Variants in PBK observed in about 807,000 individuals in gnomAD.
PBK encodes the protein PDZ binding kinase.
Under a neutral mutation model 33.5 loss-of-function variants are expected in PBK, and 22 were observed. That is an observed-to-expected ratio of 0.66 (90% CI 0.47 to 0.94). The LOEUF is 0.94. PBK is among the 40% of genes least tolerant of loss of function. The pLI is 0.00. For missense variants in PBK, 376 were observed against 383.4 expected, an observed-to-expected ratio of 0.98 and a Z score of 0.16; for synonymous variants, 129 against 123.8, an observed-to-expected ratio of 1.04 and a Z score of -0.28.
At chr8:27,831,725 G>A (rs1806134864) in intron 2 of PBK, among the ~76,000 whole-genome samples, 1 of 152,098 alleles carries the variant, frequency 6.6e-6, no homozygotes, top group African/African-American at 2.4e-5. Context: ...GTTAATAAGG[G>A]TGTATCAAGA....
Position 27,823,118 on chromosome 8 carries a change from C to T in PBK, c.240G>A (p.Lys80=), listed in dbSNP as rs1805961191. Residue 80 remains lysine (K), a synonymous_variant, in exon 4 of 8, where the codon AAG becomes AAA. Coordinates refer to ENST00000301905, the MANE Select transcript of PBK (RefSeq NM_018492.4). The part of the protein sequence containing the change: ...CNDHYRSVYQ[K]RLMDEAKILK... ...AAATCTTAGCTTCATCCATTAGTCT[C>T]TTTTGATACACACTTCGATAATGAT... The T allele has an allele frequency of 6.3e-7, 1 of 1,582,262 alleles. No individual in the cohort carries two copies. The highest frequency in any genetic ancestry group is 1.3e-5 in the African/African-American group (1 of 74,150).
intron 6 of PBK, among the ~76,000 whole-genome samples, chr8:27,816,917 C>G (rs1017450533): frequency 2.0e-5 from 3 of 151,976 alleles, no homozygotes; most frequent in Non-Finnish European, 1.5e-5. Flanking sequence ...GGTGGACATT[C>G]TCACACATTG....
At position 27,825,154 on chromosome 8, in the gene PBK, G is replaced by A. The variant is rs78789639; in HGVS notation, c.153-1949C>T. 5.7e-4 allele frequency among the ~76,000 whole-genome samples: 87 copies of A among 152,286 alleles called. No individual in the cohort carries two copies. The East Asian group carries it at 0.014, about 24-fold the overall frequency. ...TGCTTGCAAGTTATTTAAAAAGCACGTAGGCCTGGAAGGGTTAGCACACAA... is the reference window on the plus strand; with the variant it reads ...TGCTTGCAAGTTATTTAAAAAGCACATAGGCCTGGAAGGGTTAGCACACAA... On this transcript the variant is annotated intron_variant, in intron 3 of 7. Transcript: ENST00000301905.
At chr8:27,811,234 A>C in intron 6 of PBK, 100 bp from the exon 7 acceptor site, 2 of 962,796 alleles carry the variant, frequency 2.1e-6, no homozygotes, top group Non-Finnish European at 3.3e-6. Context: ...AGTAGTTCAC[A>C]GGTTAATCAG....
intron 6 of PBK, among the ~76,000 whole-genome samples, chr8:27,816,384 TTTA>T (rs1163948546): frequency 9.7e-4 from 49 of 50,732 alleles, no homozygotes; most frequent in Admixed American, 4.5e-3. Flanking sequence ...TTTATTTTAA[TTTA>T]TTTTTTTTTG....
chr8:27,824,200 G>T (rs1298437556), intron 3 of PBK, among the ~76,000 whole-genome samples: 2 of 152,130 alleles, frequency 1.3e-5, no homozygotes, highest in Non-Finnish European at 2.9e-5. Context: ...TGAGGATAAT[G>T]ATGAGCACCT....
At chr8:27,824,933 T>C (rs543049364) in intron 3 of PBK, among the ~76,000 whole-genome samples, 3 of 152,276 alleles carry the variant, frequency 2.0e-5, no homozygotes, top group Admixed American at 6.5e-5. Context: ...AAAAAAAATA[T>C]AGACTTCTGG....
chr8:27,818,537 TAGTA>T (rs1340715271), intron 6 of PBK, among the ~76,000 whole-genome samples: 2 of 152,216 alleles, frequency 1.3e-5, no homozygotes, highest in Non-Finnish European at 2.9e-5. Flanking sequence ...TTTAAAACAT[TAGTA>T]AGAACATTAC....
Position 27,811,010 on chromosome 8 carries a change from C to G in PBK, c.720G>C (p.Met240Ile), listed in dbSNP as rs770864767. 6.2e-7 allele frequency: 1 copy of G among 1,612,516 alleles called. No individual in the cohort carries two copies. The highest frequency in any genetic ancestry group is 1.3e-5 in the African/African-American group (1 of 74,898). Residue 240 changes from methionine to isoleucine, a missense_variant, in exon 7 of 8, where the codon ATG becomes ATC. By Grantham distance (10) the Met-to-Ile change is conservative. Transcript: ENST00000301905. ...IFAFGLTLWE[M>I]MTLSIPHINL... ...TAATGTGTGGAATCGATAAAGTCAT[C>G]ATTTCCCACAAAGTAAGGCCAAAGG...
At chr8:27,824,346 AG>A (rs1805987450) in intron 3 of PBK, among the ~76,000 whole-genome samples, 2 of 152,158 alleles carry the variant, frequency 1.3e-5, no homozygotes, top group African/African-American at 4.8e-5. Context: ...GAATAAGAAT[AG>A]ATTTATGAAA....
At chr8:27,821,222 C>A (rs1469790941) in intron 5 of PBK, among the ~76,000 whole-genome samples, 1 of 152,134 alleles carries the variant, frequency 6.6e-6, no homozygotes, top group Non-Finnish European at 1.5e-5. Flanking sequence ...GAAATAGATA[C>A]TTCTGCTAAC....
Position 27,810,045 on chromosome 8 carries a change from A to G in PBK, c.*260T>C, listed in dbSNP as rs1405457678. 4.8e-6 allele frequency: 2 copies of G among 414,624 alleles called. No individual in the cohort carries two copies. Among genetic ancestry groups the G allele is most frequent in the African/African-American group, 4.2e-5 (2 of 47,804 alleles). 25.7% of individuals were successfully genotyped at this position (414,624 alleles called of 1,614,324 possible). ...TTACAGTTTACAGCGTTTTACTGCT[A>G]GTGTTTTAAGTCAGCATGAGCAGTA... On this transcript the variant is annotated 3_prime_UTR_variant, in exon 8 of 8. Coordinates refer to ENST00000301905, the MANE Select transcript of PBK (RefSeq NM_018492.4).
intron 6 of PBK, 125 bp downstream of exon 6, chr8:27,820,440 A>C: frequency 1.6e-6 from 1 of 629,712 alleles, no homozygotes; most frequent in Admixed American, 2.9e-5. Context: ...AGAGAAAAAA[A>C]GGGGACTTTT....
At chr8:27,811,213 C>T (rs571787000) in intron 6 of PBK, 79 bp from the exon 7 acceptor site, 19 of 1,211,372 alleles carry the variant, frequency 1.6e-5, no homozygotes, top group Admixed American at 3.5e-5. Flanking sequence ...AACAGGCGAA[C>T]GATTTGAACA....
chr8:27,837,369 A>T (rs1806245986), intron 1 of PBK, among the ~76,000 whole-genome samples: 1 of 152,204 alleles, frequency 6.6e-6, no homozygotes, highest in African/African-American at 2.4e-5. Context: ...TGAGAGAAAA[A>T]GTAAAGGAGA....
intron 3 of PBK, among the ~76,000 whole-genome samples, chr8:27,826,501 T>C (rs1806025727): frequency 6.6e-6 from 1 of 151,314 alleles, no homozygotes. Flanking sequence ...AGGAGGAGTG[T>C]AGGGTCAGGC....
At chr8:27,830,937 A>T (rs1806118421) in intron 2 of PBK, among the ~76,000 whole-genome samples, 1 of 152,246 alleles carries the variant, frequency 6.6e-6, no homozygotes, top group Non-Finnish European at 1.5e-5. Flanking sequence ...ACTATCACAT[A>T]AAGTGGACTC....
intron 6 of PBK, 73 bp downstream of exon 6, chr8:27,820,492 T>C: frequency 1.1e-6 from 1 of 873,648 alleles, no homozygotes; most frequent in East Asian, 2.5e-5. Context: ...TTTTGATCCA[T>C]GTGGACTTAC....
intron 1 of PBK, among the ~76,000 whole-genome samples, chr8:27,836,585 A>G (rs1806231769): frequency 1.3e-5 from 2 of 152,064 alleles, no homozygotes; most frequent in South Asian, 4.1e-4. Flanking sequence ...AGCATGAGAA[A>G]TGAAAAACAA....
Sources: gnomAD v4.1 joint callset for allele counts (sites outside exome capture counted in the v4.1 genomes callset) on GRCh38, gnomAD v4.1.1 for gene constraint, MANE v1.5 for transcripts, NCBI Gene and HGNC (gene_info 2026-07-23, HGNC 2026-07-21) for gene names.